VGLL4: variants seen among roughly 807,000 people sequenced by gnomAD.
VGLL4 encodes the protein transcription cofactor vestigial-like protein 4.
In VGLL4, 7 loss-of-function variants were observed where a neutral mutation model predicts 21.0. The ratio of observed to expected loss-of-function variants is 0.33; its 90% CI spans 0.19 to 0.63. The LOEUF (loss-of-function observed/expected upper bound fraction) is 0.63. VGLL4 is among the 20% of genes least tolerant of loss of function. VGLL4 has a pLI of 0.78. For synonymous variants in VGLL4, 222 were observed against 173.2 expected, an observed-to-expected ratio of 1.28 and a Z score of -2.21; for missense variants, 394 against 425.7, an observed-to-expected ratio of 0.93 and a Z score of 0.66.
intron 1 of VGLL4, chr3:11,626,376 T>A (rs1307220533): frequency 2.2e-6 from 1 of 456,918 alleles, no homozygotes; most frequent in East Asian, 6.9e-5. Context: ...TGGAAATGTA[T>A]CCAAGTGCCA....
rs1425012266 is a variant in VGLL4, at chr3:11,568,351, G to A, written c.273-3332C>T. Among the ~76,000 whole-genome samples, 3 of 152,170 alleles carry A rather than the reference G, an allele frequency of 2.0e-5. No homozygotes were observed. The highest frequency in any genetic ancestry group is 4.8e-5 in the African/African-American group (2 of 41,442). On this transcript the variant is annotated intron_variant, in intron 2 of 4. Transcript: ENST00000430365. This position sits in a 1 kb window ranked among gnomAD's most constrained non-coding sequence, Gnocchi z 5.9. The stretch of plus-strand genomic sequence containing the variant: ...CACAGAGGAAAGGGGTGCCAGGGCC[G>A]CCAGCTGCCAGGGCAGAGGTAAGGA...
At chr3:11,642,973 G>T (rs563110966) in intron 1 of VGLL4, among the ~76,000 whole-genome samples, 2 of 152,220 alleles carry the variant, frequency 1.3e-5, no homozygotes, top group East Asian at 3.9e-4. Context: ...TCACTCGCGA[G>T]CACAAAAACT....
intron 2 of VGLL4, among the ~76,000 whole-genome samples, chr3:11,670,444 C>T (rs2076190044): frequency 6.6e-6 from 1 of 152,116 alleles, no homozygotes; most frequent in Non-Finnish European, 1.5e-5. Flanking sequence ...GAGAACATGC[C>T]AATTCACCTG....
At chr3:11,674,790 C>T (rs2076267120) in intron 2 of VGLL4, among the ~76,000 whole-genome samples, 3 of 151,506 alleles carry the variant, frequency 2.0e-5, no homozygotes. Flanking sequence ...ATGATTTTTC[C>T]AAATTGAAAA....
chr3:11,580,089 GT>G (rs1469248795), intron 2 of VGLL4, among the ~76,000 whole-genome samples: 3 of 152,126 alleles, frequency 2.0e-5, no homozygotes, highest in Non-Finnish European at 4.4e-5. Context: ...AAGTACACTG[GT>G]ATGTTGTGCC....
At chr3:11,590,663 AGTGTGT>A (rs10592668) in intron 2 of VGLL4, among the ~76,000 whole-genome samples, 7,108 of 147,062 alleles carry the variant, frequency 0.048, 192 homozygotes, top group Middle Eastern at 0.068. Context: ...CAAAATGAAG[AGTGTGT>A]GTGTGTGTGT....
intron 2 of VGLL4, among the ~76,000 whole-genome samples, chr3:11,587,139 G>A (rs1377190892): frequency 1.3e-5 from 2 of 152,252 alleles, no homozygotes; most frequent in African/African-American, 2.4e-5. Context: ...AATACTGGGA[G>A]AGGGAGTTTG....
In VGLL4 at chr3:11,714,992, A is replaced by G. The variant is rs1228980131; in HGVS notation, c.-14+5402T>C. On this transcript the variant is annotated intron_variant, in intron 1 of 5. Transcript: ENST00000273038. ...CTATTAAAAATACAAAAAATTAGCC[A>G]GGCACGGTGGCGGGCGCCTGTAGTC... Among the ~76,000 whole-genome samples the G allele has an allele frequency of 7.9e-5, 12 of 152,154 alleles. No individual in the cohort carries two copies. In the East Asian group the frequency reaches 1.2e-3, roughly 15 times the overall value.
chr3:11,561,604 G>A (rs548105792), intron 3 of VGLL4, among the ~76,000 whole-genome samples: 27 of 152,246 alleles, frequency 1.8e-4, no homozygotes, highest in African/African-American at 4.1e-4. Context: ...GCTGGGACTC[G>A]TCCACCTAGA....
rs559122451 is a variant in VGLL4, at chr3:11,615,966, C to T, written c.83-13944G>A. 3.7e-4 allele frequency among the ~76,000 whole-genome samples: 56 copies of T among 152,330 alleles called. 2 individuals carry two copies. The Middle Eastern group carries it at 0.027, about 74-fold the overall frequency. ...GCATCCTTTCCATTCTTCCTTCTCA[C>T]ATCACCTCACCCCTGGGGCTGAAAG... On this transcript the variant is annotated intron_variant, in intron 1 of 4. Coordinates refer to ENST00000430365, the MANE Select transcript of VGLL4 (RefSeq NM_001128219.3).
At chr3:11,705,798 G>A (rs1489635430) in intron 1 of VGLL4, among the ~76,000 whole-genome samples, 4 of 152,094 alleles carry the variant, frequency 2.6e-5, no homozygotes, top group Non-Finnish European at 4.4e-5. Context: ...GGCGGGCACC[G>A]TAGTCCCAGC....
intron 1 of VGLL4, among the ~76,000 whole-genome samples, chr3:11,711,430 G>A (rs2076843533): frequency 6.6e-6 from 1 of 152,060 alleles, no homozygotes; most frequent in African/African-American, 2.4e-5. Flanking sequence ...CAGGCATGGT[G>A]GCAGGCACCT....
chr3:11,605,568 C>T (rs1177525235), intron 1 of VGLL4, among the ~76,000 whole-genome samples: 1 of 152,066 alleles, frequency 6.6e-6, no homozygotes, highest in African/African-American at 2.4e-5. Flanking sequence ...TGCAAAACCA[C>T]TTAAAATGCC....
At chr3:11,649,025 C>T (rs1441244629) in intron 2 of VGLL4, among the ~76,000 whole-genome samples, 2 of 152,190 alleles carry the variant, frequency 1.3e-5, no homozygotes, top group East Asian at 3.8e-4. Context: ...TACTTCTAGA[C>T]TTCTGTCTTA....
rs192626757 is a variant in VGLL4, at chr3:11,624,364, T to C, written c.82+19073A>G. ...GGCACATGGGAGAACTGATGATGTATCTCAGTACTCACATCCACTCAGGAA... is the reference window on the plus strand; with the variant it reads ...GGCACATGGGAGAACTGATGATGTACCTCAGTACTCACATCCACTCAGGAA... On this transcript the variant is annotated intron_variant, in intron 1 of 4. Transcript: ENST00000430365. Among the ~76,000 whole-genome samples the C allele has an allele frequency of 3.0e-3, 458 of 152,270 alleles. 3 individuals carry two copies. The highest frequency in any genetic ancestry group is 0.01 in the African/African-American group (416 of 41,546).
At chr3:11,622,038 C>T (rs2075274507) in intron 1 of VGLL4, among the ~76,000 whole-genome samples, 1 of 150,916 alleles carries the variant, frequency 6.6e-6, no homozygotes, top group Non-Finnish European at 1.5e-5. Flanking sequence ...CATCTCAATA[C>T]AGGTCCCTTC....
chr3:11,635,796 G>C (rs2075575156), intron 1 of VGLL4, among the ~76,000 whole-genome samples: 1 of 152,228 alleles, frequency 6.6e-6, no homozygotes, highest in African/African-American at 2.4e-5. Flanking sequence ...TTTATACTGA[G>C]AATGACAGCT....
At position 11,719,597 on chromosome 3, in the gene VGLL4, A is replaced by C. The variant is rs1321909864; in HGVS notation, c.-14+797T>G. ...CACGCACACGCACACGCACGCGCGGACCGGGCCGGCGGACGGGAGCGCGGG... is the reference window on the plus strand; with the variant it reads ...CACGCACACGCACACGCACGCGCGGCCCGGGCCGGCGGACGGGAGCGCGGG... On this transcript the variant is annotated intron_variant, in intron 1 of 5. Coordinates refer to the VGLL4 transcript ENST00000273038. This position sits in a 1 kb window ranked among gnomAD's most constrained non-coding sequence, Gnocchi z 4.0. 1 of 151,894 alleles carries C rather than the reference A, an allele frequency of 6.6e-6. No homozygotes were observed. The highest frequency in any genetic ancestry group is 1.5e-5 in the Non-Finnish European group (1 of 68,042). 9.4% of individuals were successfully genotyped at this position (151,894 alleles called of 1,614,324 possible).
chr3:11,663,334 T>A (rs1462772097), intron 2 of VGLL4, among the ~76,000 whole-genome samples: 1 of 152,186 alleles, frequency 6.6e-6, no homozygotes, highest in Non-Finnish European at 1.5e-5. Flanking sequence ...TAAGTTGGCG[T>A]TTAAAGCTAA....
Sources: allele counts gnomAD v4.1 joint callset (sites outside exome capture counted in the v4.1 genomes callset), GRCh38; gene constraint gnomAD v4.1.1; non-coding constraint Gnocchi (gnomAD v3.1); transcripts MANE v1.5; gene names NCBI Gene and HGNC (gene_info 2026-07-23, HGNC 2026-07-21).